ADORA1: variants seen among roughly 807,000 people sequenced by gnomAD.
The protein encoded by ADORA1 is adenosine A1 receptor, also known as adenosine receptor A1.
ADORA1 carries 6 observed loss-of-function variants against 19.9 expected under a neutral mutation model. The ratio of observed to expected loss-of-function variants is 0.30; its 90% CI spans 0.17 to 0.59. ADORA1 has a LOEUF of 0.59. ADORA1 is among the 20% of genes least tolerant of loss of function. The pLI, the probability that ADORA1 is intolerant of heterozygous loss-of-function variation, is 0.87. For missense variants in ADORA1, 302 were observed against 439.2 expected (o/e 0.69, Z 2.79); for synonymous variants, 194 against 188.4 (o/e 1.03, Z -0.24).
At position 203,165,277 on chromosome 1, in the gene ADORA1, A is replaced by AC; in HGVS notation, c.364dup (p.Arg122ProfsTer180). Reference sequence around the variant, plus strand: ...CTCCCCCAGGTACAAGATGGTGGTGACCCCCCGGAGGGCGGCGGTGGCCAT... The same window carrying AC: ...CTCCCCCAGGTACAAGATGGTGGTGACCCCCCCGGAGGGCGGCGGTGGCCAT... On this transcript the variant is annotated frameshift_variant, in exon 4 of 4. Transcript: ENST00000337894. LOFTEE classifies it high-confidence loss of function. This position sits in a 1 kb window ranked among gnomAD's most constrained non-coding sequence, Gnocchi z 5.9. 1 of 1,578,918 alleles carries AC rather than the reference A, an allele frequency of 6.3e-7. No individual in the cohort carries two copies. The highest frequency in any genetic ancestry group is 8.6e-7 in the Non-Finnish European group (1 of 1,162,510).
Position 203,140,878 on chromosome 1 carries a change from C to T in ADORA1, c.341+11696C>T, listed in dbSNP as rs142388111. ...TTTTCCCTACCCCAGGCCTCTGCCT[C>T]TCCCCAGGAAGCCTTTGGAGAATCC... On this transcript the variant is annotated intron_variant, in intron 3 of 3. Coordinates refer to ENST00000337894, the MANE Select transcript of ADORA1 (RefSeq NM_000674.3). 4.0e-4 allele frequency among the ~76,000 whole-genome samples: 61 copies of T among 152,348 alleles called. 2 individuals carry two copies. The highest frequency in any genetic ancestry group is 1.4e-3 in the African/African-American group (59 of 41,586).
Position 203,129,135 on chromosome 1 carries a change from G to A in ADORA1, c.294G>A (p.Leu98=). ...TCACCCAGAGCTCCATCCTGGCCCT[G>A]CTGGCAATTGCTGTGGACCGCTACC... ...LILTQSSILA[L]LAIAVDRYLR... Residue 98 remains leucine (L), a synonymous_variant, in exon 3 of 4, where the codon CTG becomes CTA. Coordinates refer to ENST00000337894, the MANE Select transcript of ADORA1 (RefSeq NM_000674.3). 1 of 1,614,078 alleles carries A rather than the reference G, an allele frequency of 6.2e-7. No individual in the cohort carries two copies. The highest frequency in any genetic ancestry group is 8.5e-7 in the Non-Finnish European group (1 of 1,179,980).
At chr1:203,163,882 C>T (rs1655449760) in intron 3 of ADORA1, among the ~76,000 whole-genome samples, 2 of 152,202 alleles carry the variant, frequency 1.3e-5, no homozygotes, top group South Asian at 4.1e-4. Flanking sequence ...AGTCGGCAGC[C>T]TCTCCCTTCA....
chr1:203,135,700 A>G (rs1654484115), intron 3 of ADORA1, among the ~76,000 whole-genome samples: 1 of 152,148 alleles, frequency 6.6e-6, no homozygotes, highest in South Asian at 2.1e-4. Flanking sequence ...CAAACAAAAA[A>G]ACACTTTAAT....
chr1:203,134,515 C>G lies in ADORA1; in HGVS notation c.341+5333C>G, dbSNP rs992230919. Among the ~76,000 whole-genome samples the G allele has an allele frequency of 5.3e-5, 8 of 152,204 alleles. No individual in the cohort carries two copies. In the East Asian group the frequency reaches 1.5e-3, roughly 29 times the overall value. On this transcript the variant is annotated intron_variant, in intron 3 of 3. Transcript: ENST00000337894. ...TTTCAAGTGTGAAAGCTTCCCCCAG[C>G]TGGCATCGGGTGGCTTCCCGGAAGT... is the stretch of plus-strand genomic sequence containing the variant.
Position 203,165,051 on chromosome 1 carries a change from T to A in ADORA1, c.342-210T>A. On this transcript the variant is annotated intron_variant, in intron 3 of 3. Coordinates refer to ENST00000337894, the MANE Select transcript of ADORA1 (RefSeq NM_000674.3). The surrounding 1 kb of genome is among the most constrained non-coding windows in gnomAD (Gnocchi z 5.9). ...GTCATTAATCAGGATTTCCTCTCTC[T>A]GTAGGAGAATAAGCCAATGCATGGC... The A allele has an allele frequency of 6.4e-7, 1 of 1,550,474 alleles. No homozygotes were observed. The highest frequency in any genetic ancestry group is 8.7e-7 in the Non-Finnish European group (1 of 1,146,908).
Position 203,159,006 on chromosome 1 carries a change from A to G in ADORA1, c.342-6255A>G, listed in dbSNP as rs1228848677. Among the ~76,000 whole-genome samples the G allele has an allele frequency of 2.0e-5, 3 of 152,218 alleles. No homozygotes were observed. The East Asian group carries it at 5.8e-4, about 29-fold the overall frequency. On this transcript the variant is annotated intron_variant, in intron 3 of 3. Coordinates refer to ENST00000337894, the MANE Select transcript of ADORA1 (RefSeq NM_000674.3). ...ACCTCTTAAAGTCCCACCTTTCAAC[A>G]TTGTTGCATTGGGGATTAAGTTTCC...
chr1:203,138,298 C>T (rs767245247), intron 3 of ADORA1, among the ~76,000 whole-genome samples: 1 of 152,064 alleles, frequency 6.6e-6, no homozygotes, highest in Non-Finnish European at 1.5e-5. Context: ...GTTGGATATA[C>T]AAGAATGAGA....
rs1654246548 is a variant in ADORA1 at position 203,129,020 on chromosome 1, C to T, written c.179C>T (p.Ala60Val). The T allele has an allele frequency of 1.2e-6, 2 of 1,614,088 alleles. No homozygotes were observed. Among genetic ancestry groups the T allele is most frequent in the Non-Finnish European group, 1.7e-6 (2 of 1,180,014 alleles). Residue 60 changes from alanine (A) to valine (V), a missense_variant, in exon 3 of 4, where the codon GCC (alanine) becomes GTC (valine). Ala to Val is a moderately conservative substitution (Grantham distance 64). Coordinates refer to ENST00000337894, the MANE Select transcript of ADORA1 (RefSeq NM_000674.3). The part of the protein sequence containing the change: ...SLAVADVAVG[A>V]LVIPLAILIN... ...GCGGTGGCTGATGTGGCCGTGGGTG[C>T]CCTGGTCATCCCCCTCGCCATCCTC...
chr1:203,155,919 G>A (rs965974960), intron 3 of ADORA1, among the ~76,000 whole-genome samples: 1 of 152,238 alleles, frequency 6.6e-6, no homozygotes, highest in Non-Finnish European at 1.5e-5. Context: ...CTAGGGTCAT[G>A]CCTTTCTAAT....
intron 3 of ADORA1, among the ~76,000 whole-genome samples, chr1:203,160,169 C>T (rs923741304): frequency 6.6e-6 from 1 of 152,186 alleles, no homozygotes; most frequent in Non-Finnish European, 1.5e-5. Flanking sequence ...GGCAGAGTGG[C>T]CTTGGACATG....
intron 3 of ADORA1, among the ~76,000 whole-genome samples, chr1:203,161,478 C>G (rs1370256543): frequency 5.9e-5 from 9 of 151,932 alleles, no homozygotes; most frequent in Non-Finnish European, 1.5e-5. Context: ...GAGAAGGCAA[C>G]TCTTAACCCA....
Position 203,128,694 on chromosome 1 carries a change from A to G in ADORA1, c.-57-91A>G. On this transcript the variant is annotated intron_variant, in intron 2 of 3. Coordinates refer to ENST00000337894, the MANE Select transcript of ADORA1 (RefSeq NM_000674.3). The surrounding 1 kb of genome is among the most constrained non-coding windows in gnomAD (Gnocchi z 5.9). Reference sequence around the variant, plus strand: ...AGGAGCTGCATGTGACAAGTGGGACACATCACAGGGTACCTGGAGTTCCAG... The same window carrying G: ...AGGAGCTGCATGTGACAAGTGGGACGCATCACAGGGTACCTGGAGTTCCAG... The G allele has an allele frequency of 7.1e-7, 1 of 1,406,242 alleles. No individual in the cohort carries two copies. Among genetic ancestry groups the G allele is most frequent in the Non-Finnish European group, 9.4e-7 (1 of 1,059,958 alleles). The allele number at this position is 1,406,242 out of a possible 1,614,324, so 87.1% of individuals were successfully genotyped here.
rs10157751 is a variant in ADORA1 at position 203,143,509 on chromosome 1, A to T, written c.341+14327A>T. Reference sequence around the variant, plus strand: ...ACCACCACAGTGGCTTCAGGTTCTTAGTGGGGTGTGTGTATTCACATATGC... The same window carrying T: ...ACCACCACAGTGGCTTCAGGTTCTTTGTGGGGTGTGTGTATTCACATATGC... On this transcript the variant is annotated intron_variant, in intron 3 of 3. Coordinates refer to ENST00000337894, the MANE Select transcript of ADORA1 (RefSeq NM_000674.3). Among the ~76,000 whole-genome samples, 397 of 151,550 alleles carry T rather than the reference A, an allele frequency of 2.6e-3. 2 individuals carry two copies. The highest frequency in any genetic ancestry group is 9.3e-3 in the African/African-American group (383 of 41,192).
intron 3 of ADORA1, among the ~76,000 whole-genome samples, chr1:203,131,200 G>C (rs976688927): frequency 1.3e-5 from 2 of 152,142 alleles, no homozygotes; most frequent in African/African-American, 4.8e-5. Flanking sequence ...GGATAGGTGA[G>C]CCCTACTCCT....
intron 3 of ADORA1, among the ~76,000 whole-genome samples, chr1:203,160,738 G>A (rs1194295301): frequency 6.6e-6 from 1 of 152,158 alleles, no homozygotes; most frequent in African/African-American, 2.4e-5. Flanking sequence ...TTGAGCCCAG[G>A]AGTTCGAGGT....
chr1:203,163,852 TC>T (rs1333633044), intron 3 of ADORA1, among the ~76,000 whole-genome samples: 1 of 152,178 alleles, frequency 6.6e-6, no homozygotes, highest in African/African-American at 2.4e-5. Flanking sequence ...AGATTCTGCA[TC>T]CCTGGGGCGG....
intron 3 of ADORA1, among the ~76,000 whole-genome samples, chr1:203,151,266 G>A (rs1655023834): frequency 6.6e-6 from 1 of 152,198 alleles, no homozygotes; most frequent in Admixed American, 6.5e-5. Flanking sequence ...GTTCTCCAGG[G>A]AGCGTGACTT....
intron 3 of ADORA1, chr1:203,150,756 C>T: frequency 2.3e-6 from 3 of 1,289,748 alleles, no homozygotes; most frequent in Non-Finnish European, 3.0e-6. Context: ...GGGGTGGACT[C>T]TTTCTTTGGA....
Sources: gnomAD v4.1 joint callset for allele counts (sites outside exome capture counted in the v4.1 genomes callset) on GRCh38, gnomAD v4.1.1 for gene constraint, Gnocchi (gnomAD v3.1) non-coding constraint, MANE v1.5 for transcripts, NCBI Gene and HGNC (gene_info 2026-07-23, HGNC 2026-07-21) for gene names.